The following DTWD2 variants were observed in gnomAD, a reference collection of about 807,000 sequenced individuals.
DTWD2 encodes DTW motif tRNA-uridine aminocarboxypropyltransferase 2, also known as tRNA-uridine aminocarboxypropyltransferase 2.
In DTWD2, 39 loss-of-function variants were observed where a neutral mutation model predicts 31.8. The ratio of observed to expected loss-of-function variants is 1.22; its 90% CI spans 0.95 to 1.60. The LOEUF is 1.60. DTWD2 is among the 40% of genes most tolerant of loss of function. The probability of loss-of-function intolerance (pLI) is 0.00; values close to 1 mark genes in which losing one functional copy is unlikely to be tolerated. For missense variants in DTWD2, 515 were observed against 381.5 expected (o/e 1.35, Z -2.92); for synonymous variants, 180 against 142.8 (o/e 1.26, Z -1.86).
At chr5:118,882,930 G>A (rs375732917) in intron 4 of DTWD2, among the ~76,000 whole-genome samples, 2 of 152,354 alleles carry the variant, frequency 1.3e-5, no homozygotes, top group African/African-American at 2.4e-5. Flanking sequence ...AATTTATGCA[G>A]CCAGCTTGAA....
In DTWD2 at chr5:118,848,169, G is replaced by A. The variant is rs771866994; in HGVS notation, c.647C>T (p.Pro216Leu). 20 of 1,605,822 alleles carry A rather than the reference G, an allele frequency of 1.2e-5. No homozygotes were observed. The highest frequency in any genetic ancestry group is 5.6e-5 in the South Asian group (5 of 89,432). ...CAGTGTAGAAAGGCATCTATTAGTC[G>A]GCTGCATCCGAATTACATACTGACT... ...ISSQYVIRMQ[P>L]TNRCLSTLEC... Residue 216 changes from proline to leucine, a missense_variant, in exon 5 of 6, where the codon CCG (proline) becomes CTG (leucine). Transcript: ENST00000510708.
At chr5:118,859,403 T>C (rs558683639) in intron 4 of DTWD2, among the ~76,000 whole-genome samples, 2 of 152,314 alleles carry the variant, frequency 1.3e-5, no homozygotes, top group African/African-American at 2.4e-5. Context: ...TATCATAAAG[T>C]ATTATGAATT....
chr5:118,954,589 C>T (rs1363293472), intron 1 of DTWD2, among the ~76,000 whole-genome samples: 1 of 152,208 alleles, frequency 6.6e-6, no homozygotes, highest in East Asian at 1.9e-4. Flanking sequence ...TCTCAGTTCA[C>T]TGCAACCTCC....
intron 4 of DTWD2, among the ~76,000 whole-genome samples, chr5:118,862,107 G>A (rs772047343): frequency 8.5e-5 from 13 of 152,204 alleles, no homozygotes; most frequent in Non-Finnish European, 1.8e-4. Flanking sequence ...TCGTAGAAGC[G>A]CCAACCCTAT....
At chr5:118,873,224 C>T (rs1237463832) in intron 4 of DTWD2, among the ~76,000 whole-genome samples, 1 of 152,190 alleles carries the variant, frequency 6.6e-6, no homozygotes, top group African/African-American at 2.4e-5. Context: ...ACAGCCATCC[C>T]GCTAGGCTCA....
At chr5:118,911,664 T>C (rs1029428772) in intron 4 of DTWD2, among the ~76,000 whole-genome samples, 2 of 152,172 alleles carry the variant, frequency 1.3e-5, no homozygotes, top group African/African-American at 4.8e-5. Flanking sequence ...TATATATACA[T>C]GCACACACAT....
Position 118,848,115 on chromosome 5 carries a change from A to G in DTWD2, c.701T>C (p.Leu234Ser). The G allele has an allele frequency of 1.3e-6, 2 of 1,578,508 alleles. No individual in the cohort carries two copies. The highest frequency in any genetic ancestry group is 1.9e-5 in the Admixed American group (1 of 53,708). ...LECAAVALSI[L>S]EKNNYIQETL... ...CTCTTGTATGTAATTATTTTTCTCC[A>G]AGATGGAAAGAGCAACAGCTGCACA... Residue 234 changes from leucine (L) to serine (S), a missense_variant, in exon 5 of 6, where the codon TTG becomes TCG. Transcript: ENST00000510708.
At chr5:118,868,533 G>C (rs1053829579) in intron 4 of DTWD2, among the ~76,000 whole-genome samples, 2 of 152,062 alleles carry the variant, frequency 1.3e-5, no homozygotes, top group Non-Finnish European at 2.9e-5. Context: ...TTAATATCCA[G>C]AACATATTAA....
intron 4 of DTWD2, among the ~76,000 whole-genome samples, chr5:118,881,203 C>T (rs1255496247): frequency 1.3e-5 from 2 of 152,076 alleles, no homozygotes; most frequent in African/African-American, 4.8e-5. Flanking sequence ...GGTGTAGGTA[C>T]CATTTTTAAA....
At chr5:118,935,392 G>A (rs571651903) in intron 3 of DTWD2, among the ~76,000 whole-genome samples, 1 of 152,324 alleles carries the variant, frequency 6.6e-6, no homozygotes, top group Admixed American at 6.5e-5. Flanking sequence ...CTGAAGCGGG[G>A]AAGGGGCAGT....
intron 5 of DTWD2, among the ~76,000 whole-genome samples, chr5:118,846,139 T>G (rs1279362859): frequency 4.6e-5 from 7 of 152,186 alleles, no homozygotes; most frequent in African/African-American, 1.7e-4. Context: ...GCCTGAAACA[T>G]TCTTAGCTAA....
chr5:118,905,898 G>A (rs1477483884), intron 4 of DTWD2, among the ~76,000 whole-genome samples: 1 of 152,056 alleles, frequency 6.6e-6, no homozygotes, highest in Admixed American at 6.5e-5. Flanking sequence ...AAGAAATTCT[G>A]CACATCCCAA....
At chr5:118,969,641 CAAT>C (rs977954780) in intron 1 of DTWD2, among the ~76,000 whole-genome samples, 3 of 152,132 alleles carry the variant, frequency 2.0e-5, no homozygotes, top group Admixed American at 1.3e-4. Context: ...ATAACAACAA[CAAT>C]AACATCAACA....
Position 118,944,584 on chromosome 5 carries a change from A to G in DTWD2, c.284T>C (p.Leu95Ser). Residue 95 changes from leucine (L) to serine (S), a missense_variant, in exon 2 of 6, where the codon TTG becomes TCG. By Grantham distance (145) the Leu-to-Ser change is moderately radical. Transcript: ENST00000510708. The part of the protein sequence containing the change: ...PAHPLHISTH[L>S]YIIQHPAEEN... ...CTCTGCTGGATGCTGAATTATGTAC[A>G]AGTGGGTAGAGATATGCAGAGGGTG... The G allele has an allele frequency of 6.2e-7, 1 of 1,613,600 alleles. No individual in the cohort carries two copies.
At chr5:118,844,875 T>C (rs1004228931) in intron 5 of DTWD2, among the ~76,000 whole-genome samples, 7 of 152,188 alleles carry the variant, frequency 4.6e-5, no homozygotes, top group Non-Finnish European at 1.0e-4. Context: ...AGCTCAGACC[T>C]GTAATTCCAA....
intron 4 of DTWD2, among the ~76,000 whole-genome samples, chr5:118,870,477 C>T (rs1295076940): frequency 2.6e-5 from 4 of 152,164 alleles, no homozygotes; most frequent in Admixed American, 2.0e-4. Flanking sequence ...ATACCACAAA[C>T]AAACAAGTCA....
At chr5:118,892,381 C>A (rs1752993889) in intron 4 of DTWD2, among the ~76,000 whole-genome samples, 1 of 152,024 alleles carries the variant, frequency 6.6e-6, no homozygotes, top group African/African-American at 2.4e-5. Flanking sequence ...ACCAATTTAA[C>A]TCAGAAGCAA....
At chr5:118,958,439 C>T (rs1156369301) in intron 1 of DTWD2, among the ~76,000 whole-genome samples, 2 of 151,580 alleles carry the variant, frequency 1.3e-5, no homozygotes, top group Non-Finnish European at 2.9e-5. Context: ...GCCAGGGCAA[C>T]AAAGCAAGAC....
intron 1 of DTWD2, among the ~76,000 whole-genome samples, chr5:118,961,627 T>C (rs1754708556): frequency 6.6e-6 from 1 of 152,242 alleles, no homozygotes; most frequent in South Asian, 2.1e-4. Flanking sequence ...ACTGGCTGCA[T>C]GAACATCCAT....
Sources: allele counts gnomAD v4.1 joint callset (sites outside exome capture counted in the v4.1 genomes callset), GRCh38; gene constraint gnomAD v4.1.1; transcripts MANE v1.5; gene names NCBI Gene and HGNC (gene_info 2026-07-23, HGNC 2026-07-21).